DISC1: variants seen among roughly 807,000 people sequenced by gnomAD.
The protein encoded by DISC1 is DISC1 scaffold protein, also known as disrupted in schizophrenia 1 protein.
DISC1 carries 57 observed loss-of-function variants against 84.5 expected under a neutral mutation model. The ratio of observed to expected loss-of-function variants is 0.67; its 90% CI spans 0.55 to 0.84. The LOEUF (loss-of-function observed/expected upper bound fraction) is 0.84. Among genes scored for constraint, DISC1 ranks in the 40% least tolerant of loss-of-function variants. The probability of loss-of-function intolerance (pLI) is 0.00; values close to 1 mark genes in which losing one functional copy is unlikely to be tolerated. For synonymous variants in DISC1, 411 were observed against 415.2 expected, an observed-to-expected ratio of 0.99 and a Z score of 0.12; for missense variants, 1,000 against 1,057.8, an observed-to-expected ratio of 0.95 and a Z score of 0.76.
At chr1:231,936,806 T>C (rs1299640000) in intron 9 of DISC1, among the ~76,000 whole-genome samples, 1 of 152,218 alleles carries the variant, frequency 6.6e-6, no homozygotes, top group Non-Finnish European at 1.5e-5. Context: ...TTAAGCAGAA[T>C]AAATATATTT....
intron 3 of DISC1, among the ~76,000 whole-genome samples, chr1:231,732,032 G>T (rs897636800): frequency 2.6e-5 from 4 of 152,162 alleles, no homozygotes; most frequent in Non-Finnish European, 5.9e-5. Flanking sequence ...AGCTTCTTCA[G>T]AACTCATGCT....
chr1:231,739,590 C>T (rs1035369817), intron 3 of DISC1, among the ~76,000 whole-genome samples: 6 of 152,140 alleles, frequency 3.9e-5, no homozygotes, highest in South Asian at 2.1e-4. Context: ...CAGGAAGAGA[C>T]GAGAAGGCCC....
intron 7 of DISC1, among the ~76,000 whole-genome samples, chr1:231,799,062 G>GA (rs1314276446): frequency 2.0e-5 from 3 of 151,734 alleles, no homozygotes; most frequent in African/African-American, 4.8e-5. Context: ...TTCAAAAAAG[G>GA]AAAAAAATGT....
chr1:231,634,598 A>C (rs2059031992), intron 1 of DISC1, among the ~76,000 whole-genome samples: 1 of 152,022 alleles, frequency 6.6e-6, no homozygotes, highest in Non-Finnish European at 1.5e-5. Flanking sequence ...AATTGCCTCG[A>C]CTCTATTAAT....
intron 3 of DISC1, among the ~76,000 whole-genome samples, chr1:231,722,372 C>T (rs918470792): frequency 6.6e-6 from 1 of 152,112 alleles, no homozygotes; most frequent in African/African-American, 2.4e-5. Flanking sequence ...CTGTAGAATG[C>T]GGACAGCTCT....
chr1:231,938,877 T>A (rs1052983245), intron 9 of DISC1, among the ~76,000 whole-genome samples: 1 of 152,194 alleles, frequency 6.6e-6, no homozygotes, highest in Admixed American at 6.5e-5. Flanking sequence ...CATCTAACCC[T>A]ACATGTTAGA....
intron 9 of DISC1, among the ~76,000 whole-genome samples, chr1:231,819,773 G>A (rs200980232): frequency 1.3e-5 from 2 of 152,046 alleles, no homozygotes; most frequent in South Asian, 2.1e-4. Context: ...ATGTATAAAC[G>A]ATGGAAACTA....
intron 12 of DISC1, among the ~76,000 whole-genome samples, chr1:232,033,061 C>T (rs1178667977): frequency 6.6e-6 from 1 of 152,130 alleles, no homozygotes; most frequent in Non-Finnish European, 1.5e-5. Context: ...CTGTTTTCTA[C>T]TCAGCATCTT....
At chr1:231,641,937 T>TCAG (rs2125189660) in intron 1 of DISC1, among the ~76,000 whole-genome samples, 1 of 152,336 alleles carries the variant, frequency 6.6e-6, no homozygotes, top group African/African-American at 2.4e-5. Context: ...GCCAGTCCCC[T>TCAG]GCCGTGTGCC....
chr1:231,756,663 A>G (rs1024880771), intron 4 of DISC1, among the ~76,000 whole-genome samples: 2 of 152,158 alleles, frequency 1.3e-5, no homozygotes, highest in Non-Finnish European at 2.9e-5. Context: ...CAGAATCTTG[A>G]CAGAACCTTG....
chr1:231,713,463 T>G (rs570550151), intron 3 of DISC1, among the ~76,000 whole-genome samples: 2 of 151,650 alleles, frequency 1.3e-5, no homozygotes, highest in African/African-American at 2.4e-5. Context: ...GTGATAGAAA[T>G]TATAAAAATT....
At chr1:231,762,512 TTG>T (rs796479352) in intron 4 of DISC1, among the ~76,000 whole-genome samples, 9,500 of 34,074 alleles carry the variant, frequency 0.28, 706 homozygotes, top group East Asian at 0.54. Context: ...TAGTTTTGTT[TTG>T]TTTTTTTTTT....
intron 3 of DISC1, among the ~76,000 whole-genome samples, chr1:231,738,512 A>G (rs1232482644): frequency 1.3e-5 from 2 of 152,110 alleles, no homozygotes; most frequent in African/African-American, 2.4e-5. Context: ...CAGGTCATGC[A>G]ACCCTAATGA....
chr1:231,694,546 C>G lies in DISC1; in HGVS notation c.788C>G (p.Ser263Cys), dbSNP rs1368470515. The G allele has an allele frequency of 2.5e-6, 4 of 1,614,082 alleles. No homozygotes were observed. Among genetic ancestry groups the G allele is most frequent in the African/African-American group, 2.7e-5 (2 of 74,964 alleles). ...CCTCACGAGGACCCGCGATGTCTCTCTCGGCCCTTCAGTCTCTTGGCTACA... is the reference window on the plus strand; with the variant it reads ...CCTCACGAGGACCCGCGATGTCTCTGTCGGCCCTTCAGTCTCTTGGCTACA... The part of the protein sequence containing the change: ...DGPHEDPRCL[S>C]RPFSLLATRV... Residue 263 changes from serine to cysteine, a missense_variant, in exon 2 of 13, where the codon TCT becomes TGT. Physicochemically the swap from Ser to Cys is moderately radical, Grantham distance 112. Coordinates refer to ENST00000439617, the MANE Select transcript of DISC1 (RefSeq NM_018662.3).
rs1659044850 is a variant in DISC1, at chr1:231,954,452, TG to T, written c.1982-4375del. Among the ~76,000 whole-genome samples the T allele has an allele frequency of 6.6e-6, 1 of 152,246 alleles. No individual in the cohort carries two copies. Among genetic ancestry groups the T allele is most frequent in the Non-Finnish European group, 1.5e-5 (1 of 68,046 alleles). ...CAAACTAATTGTATGAATTCCACTCTGTTATCATGGCCTGAACCTGAATATC... is the reference window on the plus strand; with the variant it reads ...CAAACTAATTGTATGAATTCCACTCTTTATCATGGCCTGAACCTGAATATC... On this transcript the variant is annotated intron_variant, in intron 9 of 12. Transcript: ENST00000439617. The surrounding 1 kb of genome is among the most constrained non-coding windows in gnomAD (Gnocchi z 4.8).
intron 3 of DISC1, chr1:231,702,699 C>G: frequency 1.5e-6 from 1 of 689,610 alleles, no homozygotes; most frequent in Non-Finnish European, 1.8e-6. Flanking sequence ...AGTTGGGCTG[C>G]AAGCAGATGA....
At chr1:231,764,084 C>A (rs1008367492) in intron 4 of DISC1, among the ~76,000 whole-genome samples, 3 of 152,210 alleles carry the variant, frequency 2.0e-5, no homozygotes, top group African/African-American at 7.2e-5. Flanking sequence ...ACAAAGGTGG[C>A]AGACAAGATC....
rs146271597 is a variant in DISC1 at position 231,689,335 on chromosome 1, T to G, written c.68-4491T>G. Among the ~76,000 whole-genome samples, 548 of 152,172 alleles carry G rather than the reference T, an allele frequency of 3.6e-3. 3 individuals carry two copies. Among genetic ancestry groups the G allele is most frequent in the Non-Finnish European group, 4.4e-3 (296 of 68,002 alleles). On this transcript the variant is annotated intron_variant, in intron 1 of 12. Transcript: ENST00000439617. Reference sequence around the variant, plus strand: ...TGCCCAAGCCCACGTGTCTTTTTTTTTTGTTGTTTTTTTGAGACAAGAGTC... The same window carrying G: ...TGCCCAAGCCCACGTGTCTTTTTTTGTTGTTGTTTTTTTGAGACAAGAGTC...
intron 9 of DISC1, among the ~76,000 whole-genome samples, chr1:231,935,254 A>G (rs2090909206): frequency 6.6e-6 from 1 of 152,132 alleles, no homozygotes; most frequent in African/African-American, 2.4e-5. Context: ...GGTCCCCCGC[A>G]TTTTTCAGCA....
Sources: allele counts gnomAD v4.1 joint callset (sites outside exome capture counted in the v4.1 genomes callset), GRCh38; gene constraint gnomAD v4.1.1; non-coding constraint Gnocchi (gnomAD v3.1); transcripts MANE v1.5; gene names NCBI Gene and HGNC (gene_info 2026-07-23, HGNC 2026-07-21).